RWDD4: variants seen among roughly 807,000 people sequenced by gnomAD.
RWDD4 encodes RWD domain containing 4, also known as RWD domain-containing protein 4.
Under a neutral mutation model 30.0 loss-of-function variants are expected in RWDD4, and 16 were observed. That is an observed-to-expected ratio of 0.53 (90% CI 0.36 to 0.81). The LOEUF (loss-of-function observed/expected upper bound fraction) is 0.81, where lower values mean the gene tolerates loss of function less well. RWDD4 is among the 30% of genes least tolerant of loss of function. The probability of loss-of-function intolerance (pLI) is 0.00; values close to 1 mark genes in which losing one functional copy is unlikely to be tolerated. For synonymous variants in RWDD4, 45 were observed against 72.1 expected, an observed-to-expected ratio of 0.62 and a Z score of 1.90; for missense variants, 170 against 223.9, an observed-to-expected ratio of 0.76 and a Z score of 1.54.
intron 1 of RWDD4, among the ~76,000 whole-genome samples, chr4:183,656,801 G>C (rs1023944011): frequency 6.6e-6 from 1 of 152,072 alleles, no homozygotes; most frequent in Non-Finnish European, 1.5e-5. Context: ...CGAGGCGGGC[G>C]GATCACCTGA....
At chr4:183,655,765 C>A in intron 2 of RWDD4, 116 bp downstream of exon 2, 1 of 621,818 alleles carries the variant, frequency 1.6e-6, no homozygotes. Flanking sequence ...TTAAATGCTA[C>A]AGAAAATACA....
chr4:183,658,527 A>G (rs1484696807), intron 1 of RWDD4, among the ~76,000 whole-genome samples: 2 of 152,212 alleles, frequency 1.3e-5, no homozygotes, highest in African/African-American at 4.8e-5. Context: ...GAGAAATGTA[A>G]CTAACTCAAT....
At chr4:183,658,577 T>C (rs572723550) in intron 1 of RWDD4, among the ~76,000 whole-genome samples, 2 of 152,284 alleles carry the variant, frequency 1.3e-5, no homozygotes, top group African/African-American at 4.8e-5. Context: ...ATGACCAGAC[T>C]AAAATTTAAA....
At chr4:183,649,912 T>C (rs993748215) in intron 4 of RWDD4, among the ~76,000 whole-genome samples, 2 of 152,240 alleles carry the variant, frequency 1.3e-5, no homozygotes, top group African/African-American at 2.4e-5. Flanking sequence ...CCTTTTTTTT[T>C]CTTTACAGAG....
chr4:183,643,236 G>C (rs1341954566), intron 7 of RWDD4, among the ~76,000 whole-genome samples: 1 of 148,046 alleles, frequency 6.8e-6, no homozygotes, highest in African/African-American at 2.5e-5. Flanking sequence ...TGACCAGCCT[G>C]GCCAATATGG....
At chr4:183,643,774 C>T (rs902785094) in intron 7 of RWDD4, among the ~76,000 whole-genome samples, 4 of 152,078 alleles carry the variant, frequency 2.6e-5, no homozygotes, top group Non-Finnish European at 4.4e-5. Context: ...CAAAATTAGC[C>T]AGGTGTGGTG....
rs368407243 is a variant in RWDD4, at chr4:183,659,174, G to A, written c.-222C>T. The A allele has an allele frequency of 3.3e-5, 13 of 396,386 alleles. No homozygotes were observed. The East Asian group carries it at 4.3e-4, about 13-fold the overall frequency. 24.6% of individuals were successfully genotyped at this position (396,386 alleles called of 1,614,324 possible). A position where few individuals can be genotyped will look rare whatever the true frequency, so the allele number is the denominator to read the frequency against. ...TACGAGCCGGAGCCGCGGCTGGTGG[G>A]GCCTGGGAAGTGCAGCGTCTCCCTG... is the stretch of plus-strand genomic sequence containing the variant. On this transcript the variant is annotated 5_prime_UTR_variant, in exon 1 of 8. Coordinates refer to ENST00000326397, the MANE Select transcript of RWDD4 (RefSeq NM_152682.4).
At chr4:183,652,889 C>CTAAT (rs112537199) in intron 2 of RWDD4, among the ~76,000 whole-genome samples, 13,045 of 151,626 alleles carry the variant, frequency 0.086, 1,882 homozygotes, top group African/African-American at 0.3. Flanking sequence ...CCATGCCAGA[C>CTAAT]TTTAAAAAAC....
At chr4:183,657,441 G>A (rs1056370858) in intron 1 of RWDD4, among the ~76,000 whole-genome samples, 1 of 152,122 alleles carries the variant, frequency 6.6e-6, no homozygotes, top group South Asian at 2.1e-4. Context: ...CAATTTGTTG[G>A]GACAGTGAAT....
At chr4:183,648,442 G>A (rs1232929508) in intron 5 of RWDD4, among the ~76,000 whole-genome samples, 1 of 152,052 alleles carries the variant, frequency 6.6e-6, no homozygotes, top group Admixed American at 6.6e-5. Flanking sequence ...AAGTTTTCAG[G>A]TTAAATAAAG....
chr4:183,655,601 T>C (rs1442978326), intron 2 of RWDD4, among the ~76,000 whole-genome samples: 1 of 152,212 alleles, frequency 6.6e-6, no homozygotes, highest in African/African-American at 2.4e-5. Context: ...TACTATTTTA[T>C]GTTAAAGATA....
At chr4:183,656,542 A>G (rs1561014985) in intron 1 of RWDD4, among the ~76,000 whole-genome samples, 1 of 152,242 alleles carries the variant, frequency 6.6e-6, no homozygotes, top group African/African-American at 2.4e-5. Flanking sequence ...TTGCTTGGAC[A>G]TAGTTCTTAG....
At chr4:183,646,278 TA>T (rs538119330) in intron 7 of RWDD4, 72 bp downstream of exon 7, 88,308 of 478,460 alleles carry the variant, frequency 0.18, 1 homozygote, top group South Asian at 0.25. Flanking sequence ...TTCCATTACT[TA>T]AAAAAAAAAA....
Position 183,655,970 on chromosome 4 carries a change from A to C in RWDD4, c.25-9T>G. The C allele has an allele frequency of 6.3e-7, 1 of 1,586,384 alleles. No individual in the cohort carries two copies. Among genetic ancestry groups the C allele is most frequent in the Non-Finnish European group, 8.6e-7 (1 of 1,157,748 alleles). ...AATGCTTCTAGTTCCATCTGAAATA[A>C]AGAACTGAATGAGTTTTGTTTAGTG... On this transcript the variant is annotated splice_polypyrimidine_tract_variant and intron_variant, in intron 1 of 7. Coordinates refer to ENST00000326397, the MANE Select transcript of RWDD4 (RefSeq NM_152682.4).
intron 7 of RWDD4, among the ~76,000 whole-genome samples, chr4:183,644,826 G>A (rs1314071507): frequency 2.0e-5 from 3 of 152,060 alleles, no homozygotes; most frequent in African/African-American, 7.2e-5. Flanking sequence ...GCCCTGAGCA[G>A]TGGCTCATGC....
chr4:183,649,402 G>T (rs1183698998), intron 5 of RWDD4, 49 bp downstream of exon 5: 1 of 1,240,588 alleles, frequency 8.1e-7, no homozygotes, highest in East Asian at 2.3e-5. Context: ...CAACAAGAGT[G>T]AGACTCTGTC....
In RWDD4 at chr4:183,642,397, G is replaced by C. The variant is rs564985335; in HGVS notation, c.535-929C>G. Reference sequence around the variant, plus strand: ...GTAGAGACGGGGTTTCACCGTGTTAGCCAGGATGGTCTCGATCTCCTGACC... The same window carrying C: ...GTAGAGACGGGGTTTCACCGTGTTACCCAGGATGGTCTCGATCTCCTGACC... On this transcript the variant is annotated intron_variant, in intron 7 of 7. Coordinates refer to ENST00000326397, the MANE Select transcript of RWDD4 (RefSeq NM_152682.4). Among the ~76,000 whole-genome samples the C allele has an allele frequency of 1.3e-4, 11 of 85,754 alleles. 5 individuals are homozygous for C. The highest frequency in any genetic ancestry group is 6.8e-4 in the South Asian group (2 of 2,960). 56.3% of individuals were successfully genotyped at this position (85,754 alleles called of 152,430 possible). A position where few individuals can be genotyped will look rare whatever the true frequency, so the allele number is the denominator to read the frequency against.
chr4:183,653,240 G>C (rs1227665912), intron 2 of RWDD4, among the ~76,000 whole-genome samples: 1 of 152,068 alleles, frequency 6.6e-6, no homozygotes. Context: ...ATCTTCTCCA[G>C]ATCTCTTCAA....
intron 1 of RWDD4, chr4:183,656,168 A>G (rs2111253353): frequency 2.1e-6 from 1 of 481,516 alleles, no homozygotes; most frequent in Non-Finnish European, 3.8e-6. Flanking sequence ...GTCAGGGACT[A>G]CTAAGCACTG....
Sources: allele counts gnomAD v4.1 joint callset (sites outside exome capture counted in the v4.1 genomes callset), GRCh38; gene constraint gnomAD v4.1.1; transcripts MANE v1.5; gene names NCBI Gene and HGNC (gene_info 2026-07-23, HGNC 2026-07-21).